The following CSTPP1 variants were observed in gnomAD, a reference collection of about 807,000 sequenced individuals.
The protein encoded by CSTPP1 is UPF0705 protein C11orf49.
chr11:46,954,116 C>A, the CSTPP1 span, among the ~76,000 whole-genome samples: 1 of 151,970 alleles, frequency 6.6e-6, no homozygotes, highest in Admixed American at 6.6e-5. Flanking sequence ...AAAGAAGTAA[C>A]TAAGAATGCT....
chr11:47,117,226 G>C, the CSTPP1 span, among the ~76,000 whole-genome samples: 1 of 152,186 alleles, frequency 6.6e-6, no homozygotes, highest in Non-Finnish European at 1.5e-5. Context: ...TTTCTTCAAA[G>C]CATCGATGGT....
the CSTPP1 span, among the ~76,000 whole-genome samples, chr11:47,094,476 C>T: frequency 5.0e-5 from 7 of 139,886 alleles, no homozygotes; most frequent in African/African-American, 1.8e-4. Context: ...ATTCTTACCA[C>T]ACACAGAGAG....
the CSTPP1 span, among the ~76,000 whole-genome samples, chr11:46,962,716 C>T: frequency 2.6e-5 from 4 of 152,100 alleles, no homozygotes; most frequent in African/African-American, 9.7e-5. Flanking sequence ...CTCTATTTCA[C>T]CTTTGAATTG....
At chr11:47,098,507 C>CT in the CSTPP1 span, among the ~76,000 whole-genome samples, 238 of 137,424 alleles carry the variant, frequency 1.7e-3, no homozygotes, top group African/African-American at 3.7e-3. Flanking sequence ...TTTCTTTTTT[C>CT]TTTTTTTTTT....
chr11:47,122,442 A>G, the CSTPP1 span, among the ~76,000 whole-genome samples: 2 of 152,240 alleles, frequency 1.3e-5, no homozygotes, highest in East Asian at 3.9e-4. Flanking sequence ...CTGAAGGAAG[A>G]TACATACTTG....
the CSTPP1 span, among the ~76,000 whole-genome samples, chr11:47,054,172 G>A: frequency 1.3e-5 from 2 of 151,520 alleles, no homozygotes; most frequent in Non-Finnish European, 2.9e-5. Flanking sequence ...TTAGCCGGGT[G>A]TGGTGGCGGG....
At chr11:47,016,988 G>T in the CSTPP1 span, among the ~76,000 whole-genome samples, 4 of 149,108 alleles carry the variant, frequency 2.7e-5, no homozygotes, top group Non-Finnish European at 5.9e-5. Context: ...AACTACAGGC[G>T]CCCACCACCA....
chr11:46,996,794 T>A, the CSTPP1 span, among the ~76,000 whole-genome samples: 2 of 152,202 alleles, frequency 1.3e-5, no homozygotes, highest in South Asian at 4.1e-4. Flanking sequence ...TAAAGGATTT[T>A]ATTTCTCCTT....
the CSTPP1 span, among the ~76,000 whole-genome samples, chr11:47,079,727 C>T: frequency 6.6e-6 from 1 of 152,122 alleles, no homozygotes; most frequent in Non-Finnish European, 1.5e-5. Flanking sequence ...AGACTTTTCT[C>T]ATATATATTT....
chr11:47,156,797 A>T, the CSTPP1 span, among the ~76,000 whole-genome samples: 1 of 152,228 alleles, frequency 6.6e-6, no homozygotes, highest in Admixed American at 6.5e-5. Context: ...TCCAGGAACA[A>T]CTGAGCCAAG....
chr11:47,152,831 T>C, the CSTPP1 span, among the ~76,000 whole-genome samples: 3 of 152,220 alleles, frequency 2.0e-5, no homozygotes, highest in South Asian at 2.1e-4. Flanking sequence ...TTGGGCTCCC[T>C]GGTGGTTTCC....
chr11:47,054,310 CAAAAAAAAAAAA>C, the CSTPP1 span, among the ~76,000 whole-genome samples: 4 of 41,584 alleles, frequency 9.6e-5, no homozygotes, highest in Non-Finnish European at 1.5e-4. Flanking sequence ...TACTCCGTCT[CAAAAAAAAAAAA>C]AAAAAAAAAA....
chr11:46,971,240 A>G, the CSTPP1 span, among the ~76,000 whole-genome samples: 1 of 152,210 alleles, frequency 6.6e-6, no homozygotes, highest in Non-Finnish European at 1.5e-5. Context: ...ATTTTAAACT[A>G]TATATAAAGG....
the CSTPP1 span, among the ~76,000 whole-genome samples, chr11:47,110,105 A>G: frequency 1.3e-5 from 2 of 152,090 alleles, no homozygotes; most frequent in Admixed American, 1.3e-4. Flanking sequence ...TGCCTGATTT[A>G]TGTCATTGCT....
the CSTPP1 span, chr11:47,157,242 C>A: frequency 6.5e-7 from 1 of 1,534,488 alleles, no homozygotes; most frequent in Non-Finnish European, 8.8e-7. Flanking sequence ...ATGCAGCCCC[C>A]AGCCCCCCAG....
the CSTPP1 span, among the ~76,000 whole-genome samples, chr11:46,960,380 A>C: frequency 6.6e-6 from 1 of 152,164 alleles, no homozygotes; most frequent in Non-Finnish European, 1.5e-5. Flanking sequence ...TTATCAACCC[A>C]TAAAGAAACT....
chr11:46,983,946 T>C, the CSTPP1 span, among the ~76,000 whole-genome samples: 1 of 152,246 alleles, frequency 6.6e-6, no homozygotes, highest in Non-Finnish European at 1.5e-5. Context: ...ATTTCTACTT[T>C]GCGAACTAGG....
chr11:47,075,478 A>G, the CSTPP1 span, among the ~76,000 whole-genome samples: 1 of 152,224 alleles, frequency 6.6e-6, no homozygotes, highest in Admixed American at 6.5e-5. Flanking sequence ...ATAGATATCC[A>G]CCAAATTTTA....
At chr11:46,939,958 C>T in the CSTPP1 span, among the ~76,000 whole-genome samples, 1 of 152,168 alleles carries the variant, frequency 6.6e-6, no homozygotes, top group Non-Finnish European at 1.5e-5. Context: ...GCAACCTCCA[C>T]TTCCTGGGTT....
Sources: allele counts gnomAD v4.1 joint callset (sites outside exome capture counted in the v4.1 genomes callset), GRCh38; gene constraint gnomAD v4.1.1; transcripts MANE v1.5; gene names NCBI Gene and HGNC (gene_info 2026-07-23, HGNC 2026-07-21).